Variants in CARNMT1 observed in about 807,000 individuals in gnomAD.
CARNMT1 encodes carnosine N-methyltransferase 1, also known as protein-L-histidine N-pros-methyltransferase CARNMT1.
In CARNMT1, 28 loss-of-function variants were observed where a neutral mutation model predicts 49.6. That is an observed-to-expected ratio of 0.56 (90% confidence interval 0.42 to 0.77). The LOEUF is 0.77. CARNMT1 is among the 30% of genes least tolerant of loss of function. CARNMT1 has a pLI of 0.00. For synonymous variants in CARNMT1, 178 were observed against 175.0 expected (o/e 1.02, Z -0.13); for missense variants, 421 against 512.6 (o/e 0.82, Z 1.73).
intron 5 of CARNMT1, 149 bp downstream of exon 5, chr9:74,998,449 A>G: frequency 1.7e-6 from 1 of 580,112 alleles, no homozygotes; most frequent in Non-Finnish European, 2.8e-6. Context: ...TGCCTTGTAC[A>G]CGACCTTGAA....
chr9:74,989,796 C>T (rs1406260818), intron 6 of CARNMT1, among the ~76,000 whole-genome samples: 1 of 152,116 alleles, frequency 6.6e-6, no homozygotes, highest in African/African-American at 2.4e-5. Flanking sequence ...AAGTCAACAG[C>T]ACAGAGAAAC....
upstream of CARNMT1, chr9:75,028,338 G>A: frequency 2.3e-6 from 3 of 1,310,132 alleles, no homozygotes; most frequent in Non-Finnish European, 1.9e-6. Flanking sequence ...GCCCGCCGCG[G>A]ACATGCCCCC....
chr9:75,008,198 C>G (rs1025290758), intron 3 of CARNMT1, among the ~76,000 whole-genome samples: 1 of 128,926 alleles, frequency 7.8e-6, no homozygotes, highest in African/African-American at 2.9e-5. Flanking sequence ...AAAAAAAAAC[C>G]CTCATAATGT....
intron 1 of CARNMT1, among the ~76,000 whole-genome samples, chr9:75,021,474 C>CTA (rs113499792): frequency 0.12 from 17,483 of 143,956 alleles, 1,190 homozygotes; most frequent in East Asian, 0.26. Flanking sequence ...AATATATATA[C>CTA]TATATATATA....
At chr9:75,027,211 G>T in intron 1 of CARNMT1, 1 of 1,110,964 alleles carries the variant, frequency 9.0e-7, no homozygotes, top group Non-Finnish European at 1.2e-6. Flanking sequence ...TTGTGATTAA[G>T]CTACTTTAAC....
chr9:75,009,236 T>C (rs1428919863), intron 3 of CARNMT1, among the ~76,000 whole-genome samples: 1 of 152,144 alleles, frequency 6.6e-6, no homozygotes, highest in Non-Finnish European at 1.5e-5. Context: ...TTTTTCTTTT[T>C]AACTTTAGAG....
rs756524971 is a variant in CARNMT1, at chr9:75,016,600, T to C, written c.427-169A>G. ...CTTGAGATCCTAAATGAAAAGAGTT[T>C]GGTGGTCTCACTGCTACCCTCAAAA... On this transcript the variant is annotated intron_variant, in intron 2 of 7. Coordinates refer to ENST00000376834, the MANE Select transcript of CARNMT1 (RefSeq NM_152420.3). The C allele has an allele frequency of 7.1e-4, 431 of 603,424 alleles. 2 individuals carry two copies. Among genetic ancestry groups the C allele is most frequent in the Non-Finnish European group, 5.5e-4 (191 of 348,080 alleles). The allele number at this position is 603,424 out of a possible 1,614,324, so 37.4% of individuals were successfully genotyped here.
At chr9:75,023,135 C>CAAAAA (rs1028060302) in intron 1 of CARNMT1, among the ~76,000 whole-genome samples, 1 of 65,394 alleles carries the variant, frequency 1.5e-5, no homozygotes, top group Non-Finnish European at 3.1e-5. Flanking sequence ...GAGCAAGACT[C>CAAAAA]AAAAAAAAAA....
chr9:74,999,756 G>C lies in CARNMT1; in HGVS notation c.705C>G (p.Leu235=), dbSNP rs1833299471. The change falls in exon 4 of 8, where the codon CTC becomes CTG. Residue 235 remains leucine, a synonymous_variant. Coordinates refer to ENST00000376834, the MANE Select transcript of CARNMT1 (RefSeq NM_152420.3). ...TGTTGAGTACAAAGTTGGAAGAAAA[G>C]AGCATAAAAAAACTCCATTCATTTC... is the stretch of plus-strand genomic sequence containing the variant. The part of the protein sequence containing the change: ...CQGNEWSFFM[L]FSSNFVLNRC... 3.7e-6 allele frequency: 6 copies of C among 1,611,518 alleles called. No homozygotes were observed. Among genetic ancestry groups the C allele is most frequent in the South Asian group, 1.1e-5 (1 of 90,474 alleles).
At chr9:75,025,137 A>G (rs1822486505) in intron 1 of CARNMT1, among the ~76,000 whole-genome samples, 2 of 152,212 alleles carry the variant, frequency 1.3e-5, no homozygotes, top group South Asian at 4.1e-4. Flanking sequence ...CATATCAAAC[A>G]AATCAACTTT....
intron 3 of CARNMT1, 109 bp from the exon 4 acceptor site, chr9:74,999,979 A>G (rs1833306677): frequency 2.1e-6 from 2 of 948,058 alleles, no homozygotes; most frequent in African/African-American, 1.7e-5. Context: ...AGAATAAGCT[A>G]AGACTCTGAC....
chr9:75,017,669 T>A (rs1833892263), intron 1 of CARNMT1, among the ~76,000 whole-genome samples: 2 of 152,338 alleles, frequency 1.3e-5, no homozygotes, highest in South Asian at 4.1e-4. Context: ...AAATGGTTTA[T>A]CACTAGTAAA....
chr9:75,025,863 A>G (rs561204257), intron 1 of CARNMT1, among the ~76,000 whole-genome samples: 2 of 152,318 alleles, frequency 1.3e-5, no homozygotes, highest in Admixed American at 6.5e-5. Flanking sequence ...ACATGTAGCT[A>G]TTGAGCACCT....
At chr9:75,006,159 C>A (rs1833506962) in intron 3 of CARNMT1, among the ~76,000 whole-genome samples, 1 of 152,076 alleles carries the variant, frequency 6.6e-6, no homozygotes, top group Non-Finnish European at 1.5e-5. Context: ...TCAAGTGATT[C>A]TCCTGCCTTG....
rs1193330148 is a variant in CARNMT1 at position 75,016,285 on chromosome 9, A to G, written c.573T>C (p.Asn191=). Residue 191 remains asparagine, a synonymous_variant, in exon 3 of 8, where the codon AAT becomes AAC. Coordinates refer to ENST00000376834, the MANE Select transcript of CARNMT1 (RefSeq NM_152420.3). The part of the protein sequence containing the change: ...YQPIIKEILK[N]FPKERWDPSK... ...CTATTTACCATCTCTCTTTTGGAAA[A>G]TTTTTTAAAATTTCTTTAATGATTG... 4 of 1,612,544 alleles carry G rather than the reference A, an allele frequency of 2.5e-6. No homozygotes were observed. Among genetic ancestry groups the G allele is most frequent in the Non-Finnish European group, 3.4e-6 (4 of 1,179,666 alleles).
chr9:75,027,226 A>G, intron 1 of CARNMT1: 1 of 997,588 alleles, frequency 1.0e-6, no homozygotes, highest in Non-Finnish European at 1.4e-6. Context: ...TTTAACATCT[A>G]TCTAGAAGAA....
At chr9:74,986,814 G>C (rs1832856884) in intron 6 of CARNMT1, among the ~76,000 whole-genome samples, 1 of 152,094 alleles carries the variant, frequency 6.6e-6, no homozygotes, top group Non-Finnish European at 1.5e-5. Flanking sequence ...ATTTAATGCT[G>C]TGTTGCATTG....
intron 1 of CARNMT1, among the ~76,000 whole-genome samples, chr9:75,023,734 G>C (rs1822444885): frequency 6.6e-6 from 1 of 152,202 alleles, no homozygotes; most frequent in Non-Finnish European, 1.5e-5. Flanking sequence ...TTTTTGTACA[G>C]TCTTATTGGT....
chr9:75,003,621 C>T (rs1392768554), intron 3 of CARNMT1, among the ~76,000 whole-genome samples: 3 of 152,228 alleles, frequency 2.0e-5, no homozygotes, highest in Non-Finnish European at 4.4e-5. Context: ...GCTTCCTTAA[C>T]TCACTGCATG....
Sources: allele counts gnomAD v4.1 joint callset (sites outside exome capture counted in the v4.1 genomes callset), GRCh38; gene constraint gnomAD v4.1.1; transcripts MANE v1.5; gene names NCBI Gene and HGNC (gene_info 2026-07-23, HGNC 2026-07-21).